The following JAKMIP1 variants were observed in gnomAD, a reference collection of about 807,000 sequenced individuals.
The protein encoded by JAKMIP1 is janus kinase and microtubule interacting protein 1.
A neutral mutation model predicts 113.0 loss-of-function variants in JAKMIP1; 33 were observed. The observed-to-expected ratio is 0.29, with a 90% CI of 0.22 to 0.39. The LOEUF is 0.39. Among genes scored for constraint, JAKMIP1 ranks in the 10% least tolerant of loss-of-function variants. JAKMIP1 has a pLI of 1.00. For missense variants in JAKMIP1, 813 were observed against 1,080.5 expected, an observed-to-expected ratio of 0.75 and a Z score of 3.47; for synonymous variants, 480 against 459.9, an observed-to-expected ratio of 1.04 and a Z score of -0.56.
chr4:6,119,861 C>T (rs573649850), intron 1 of JAKMIP1, among the ~76,000 whole-genome samples: 33 of 152,320 alleles, frequency 2.2e-4, no homozygotes, highest in African/African-American at 6.7e-4. Flanking sequence ...TTGGATGACC[C>T]GGTGGCAGCC....
intron 16 of JAKMIP1, among the ~76,000 whole-genome samples, chr4:6,045,082 C>A (rs1478367317): frequency 6.6e-6 from 1 of 152,268 alleles, no homozygotes; most frequent in Non-Finnish European, 1.5e-5. Context: ...TCCCCTGCAA[C>A]TGGTGGGGCT....
intron 2 of JAKMIP1, among the ~76,000 whole-genome samples, chr4:6,112,298 T>C (rs574715934): frequency 6.6e-6 from 1 of 152,298 alleles, no homozygotes; most frequent in African/African-American, 2.4e-5. Context: ...ACTGATCAAG[T>C]AGCCTCAGCA....
chr4:6,103,113 A>C (rs531832942), intron 3 of JAKMIP1, among the ~76,000 whole-genome samples: 1 of 152,308 alleles, frequency 6.6e-6, no homozygotes, highest in East Asian at 1.9e-4. Flanking sequence ...GGAAATGTTC[A>C]ATATTTCATC....
At chr4:6,102,121 G>C (rs964984584) in intron 3 of JAKMIP1, among the ~76,000 whole-genome samples, 1 of 152,058 alleles carries the variant, frequency 6.6e-6, no homozygotes, top group Non-Finnish European at 1.5e-5. Flanking sequence ...TTATTCCTAG[G>C]TATTTGAATT....
chr4:6,034,880 T>C (rs867879935), intron 19 of JAKMIP1, among the ~76,000 whole-genome samples: 9 of 152,282 alleles, frequency 5.9e-5, no homozygotes, highest in Middle Eastern at 3.4e-3. Context: ...TCAGTAGACT[T>C]TGAGTAAAGC....
At position 6,028,065 on chromosome 4, in the gene JAKMIP1, G is replaced by A. The variant is rs116541263; in HGVS notation, c.2445+1651C>T. On this transcript the variant is annotated intron_variant, in intron 20 of 20. Coordinates refer to ENST00000409021, the MANE Select transcript of JAKMIP1 (RefSeq NM_001099433.2). ...GAGCACCATTCCTAGCAGCACATGA[G>A]AACACCAAGGCCTGAGGCAGAGGGG... 3.9e-3 allele frequency among the ~76,000 whole-genome samples: 591 copies of A among 152,318 alleles called. 7 individuals are homozygous for A. Among genetic ancestry groups the A allele is most frequent in the African/African-American group, 0.014 (566 of 41,566 alleles).
rs937015633 is a variant in JAKMIP1, at chr4:6,158,182, A to G, written c.-148+42071T>C. Among the ~76,000 whole-genome samples the G allele has an allele frequency of 6.7e-6, 1 of 148,512 alleles. No individual in the cohort carries two copies. The highest frequency in any genetic ancestry group is 2.6e-5 in the African/African-American group (1 of 38,062). ...GATCGCCTCACAGTGTGGAGGGCAGACCATGCTGTAGGTCATGCAGTGCAC... is the reference window on the plus strand; with the variant it reads ...GATCGCCTCACAGTGTGGAGGGCAGGCCATGCTGTAGGTCATGCAGTGCAC... On this transcript the variant is annotated intron_variant, in intron 1 of 20. Coordinates refer to ENST00000409021, the MANE Select transcript of JAKMIP1 (RefSeq NM_001099433.2). This position sits in a 1 kb window ranked among gnomAD's most constrained non-coding sequence, Gnocchi z 5.3.
chr4:6,056,899 T>C, intron 11 of JAKMIP1, 140 bp from the exon 12 acceptor site: 1 of 671,902 alleles, frequency 1.5e-6, no homozygotes, highest in South Asian at 1.6e-5. Flanking sequence ...TGTGCCCTCA[T>C]TGTCCCTGTC....
At position 6,138,283 on chromosome 4, in the gene JAKMIP1, T is replaced by A. The variant is rs1231687365; in HGVS notation, c.-147-25286A>T. ...ATTTTTTTGAGACAGAGTCTCACTC[T>A]GTCACCCAGGCTGGAGTGCAGTGGT... On this transcript the variant is annotated intron_variant, in intron 1 of 20. Coordinates refer to ENST00000409021, the MANE Select transcript of JAKMIP1 (RefSeq NM_001099433.2). This position sits in a 1 kb window ranked among gnomAD's most constrained non-coding sequence, Gnocchi z 6.0. Among the ~76,000 whole-genome samples, 1 of 152,224 alleles carries A rather than the reference T, an allele frequency of 6.6e-6. No homozygotes were observed. The highest frequency in any genetic ancestry group is 1.9e-4 in the East Asian group (1 of 5,200).
chr4:6,145,970 G>C (rs1345735729), intron 1 of JAKMIP1, among the ~76,000 whole-genome samples: 1 of 152,140 alleles, frequency 6.6e-6, no homozygotes, highest in Non-Finnish European at 1.5e-5. Context: ...GAGGATGAAG[G>C]CTTCGACATA....
chr4:6,084,042 A>T (rs1720943732), intron 5 of JAKMIP1, among the ~76,000 whole-genome samples: 1 of 152,204 alleles, frequency 6.6e-6, no homozygotes, highest in South Asian at 2.1e-4. Flanking sequence ...TTCTAGCCAG[A>T]TGTGGTGGCT....
intron 8 of JAKMIP1, among the ~76,000 whole-genome samples, chr4:6,072,716 C>T (rs544626935): frequency 4.7e-4 from 72 of 152,178 alleles, no homozygotes; most frequent in Admixed American, 3.3e-3. Flanking sequence ...TGGTGACAGC[C>T]GTGGGGAAGG....
chr4:6,099,887 T>C (rs1019984772), intron 3 of JAKMIP1, among the ~76,000 whole-genome samples: 1 of 152,358 alleles, frequency 6.6e-6, no homozygotes, highest in East Asian at 1.9e-4. Context: ...TAGGGCACTT[T>C]AGTGTATGGG....
At chr4:6,113,424 G>T (rs1484744998) in intron 1 of JAKMIP1, among the ~76,000 whole-genome samples, 1 of 152,170 alleles carries the variant, frequency 6.6e-6, no homozygotes, top group African/African-American at 2.4e-5. Context: ...GAGCATGGTG[G>T]TCCAGGGAAT....
chr4:6,190,720 C>T lies in JAKMIP1; in HGVS notation c.-148+9533G>A, dbSNP rs533415423. ...GCCTGCAAATCTCAGGACAAAGTTG[C>T]CCCCCGGCATCTCTCCATGTGGAAC... On this transcript the variant is annotated intron_variant, in intron 1 of 20. Transcript: ENST00000409021. 2.6e-5 allele frequency among the ~76,000 whole-genome samples: 4 copies of T among 152,310 alleles called. No individual in the cohort carries two copies. The South Asian group carries it at 8.3e-4, about 32-fold the overall frequency.
intron 1 of JAKMIP1, among the ~76,000 whole-genome samples, chr4:6,133,822 C>G (rs937689045): frequency 7.2e-5 from 11 of 152,180 alleles, no homozygotes; most frequent in African/African-American, 2.7e-4. Flanking sequence ...ACCTGTGTCA[C>G]TTCTGGGCTA....
intron 3 of JAKMIP1, among the ~76,000 whole-genome samples, chr4:6,095,118 A>T (rs1468413893): frequency 6.7e-6 from 1 of 149,210 alleles, no homozygotes; most frequent in African/African-American, 2.5e-5. Context: ...AGGAAGGGAA[A>T]GAAAAGAAAG....
chr4:6,160,202 A>G (rs1443592470), intron 1 of JAKMIP1, among the ~76,000 whole-genome samples: 1 of 152,172 alleles, frequency 6.6e-6, no homozygotes, highest in Non-Finnish European at 1.5e-5. Flanking sequence ...AAAAACATCA[A>G]GGGCACCCAG....
In JAKMIP1 at chr4:6,179,921, T is replaced by C. The variant is rs546378270; in HGVS notation, c.-148+20332A>G. 2.0e-5 allele frequency among the ~76,000 whole-genome samples: 3 copies of C among 152,348 alleles called. No individual in the cohort carries two copies. The highest frequency in any genetic ancestry group is 7.2e-5 in the African/African-American group (3 of 41,578). Reference sequence around the variant, plus strand: ...GTCAGGACTTGAACCCAGGTCTCTCTGAATCTAAGACCAGTTCCCAGCTGC... The same window carrying C: ...GTCAGGACTTGAACCCAGGTCTCTCCGAATCTAAGACCAGTTCCCAGCTGC... On this transcript the variant is annotated intron_variant, in intron 1 of 20. Coordinates refer to ENST00000409021, the MANE Select transcript of JAKMIP1 (RefSeq NM_001099433.2). This position sits in a 1 kb window ranked among gnomAD's most constrained non-coding sequence, Gnocchi z 4.5.
Sources: gnomAD v4.1 joint callset for allele counts (sites outside exome capture counted in the v4.1 genomes callset) on GRCh38, gnomAD v4.1.1 for gene constraint, Gnocchi (gnomAD v3.1) non-coding constraint, MANE v1.5 for transcripts, NCBI Gene and HGNC (gene_info 2026-07-23, HGNC 2026-07-21) for gene names.